The following LRRC37A2 variants were observed in gnomAD, a reference collection of about 807,000 sequenced individuals.
LRRC37A2 encodes the protein leucine rich repeat containing 37 member A2.
A neutral mutation model predicts 68.8 loss-of-function variants in LRRC37A2; 9 were observed. That is an observed-to-expected ratio of 0.13 (90% confidence interval 0.08 to 0.23). LRRC37A2 has a LOEUF of 0.23. LRRC37A2 is among the 10% of genes least tolerant of loss of function. The pLI is 1.00. For missense variants in LRRC37A2, 168 were observed against 950.4 expected (o/e 0.18, Z 10.82); for synonymous variants, 63 against 367.6 (o/e 0.17, Z 9.48).
the LRRC37A2 span, among the ~76,000 whole-genome samples, chr17:46,750,683 G>C: frequency 6.6e-6 from 1 of 152,148 alleles, no homozygotes; most frequent in African/African-American, 2.4e-5. Context: ...TCTGTATCCA[G>C]CATGAGTGAT....
At chr17:46,838,602 G>A in the LRRC37A2 span, among the ~76,000 whole-genome samples, 1 of 152,092 alleles carries the variant, frequency 6.6e-6, no homozygotes, top group African/African-American at 2.4e-5. Flanking sequence ...ACTCCAGCCT[G>A]GGCGACAGAG....
At chr17:46,796,542 T>TGA in the LRRC37A2 span, among the ~76,000 whole-genome samples, 8 of 152,148 alleles carry the variant, frequency 5.3e-5, no homozygotes, top group African/African-American at 1.9e-4. Context: ...AGGAGTTGGA[T>TGA]GAGAGATCCC....
chr17:46,889,235 G>A, the LRRC37A2 span, among the ~76,000 whole-genome samples: 1 of 152,114 alleles, frequency 6.6e-6, no homozygotes, highest in African/African-American at 2.4e-5. Flanking sequence ...ATGCAGGATG[G>A]GGAGGCAATG....
At chr17:46,916,113 C>T in the LRRC37A2 span, among the ~76,000 whole-genome samples, 2 of 152,226 alleles carry the variant, frequency 1.3e-5, no homozygotes, top group Admixed American at 6.5e-5. Flanking sequence ...GTGTTCACCC[C>T]TCTCCAAGGC....
At chr17:47,011,396 A>G in the LRRC37A2 span, among the ~76,000 whole-genome samples, 1 of 151,916 alleles carries the variant, frequency 6.6e-6, no homozygotes, top group Non-Finnish European at 1.5e-5. Context: ...TAAAAATACA[A>G]AAATTAGCCA....
At chr17:46,980,570 C>T in the LRRC37A2 span, among the ~76,000 whole-genome samples, 2 of 151,356 alleles carry the variant, frequency 1.3e-5, no homozygotes, top group Non-Finnish European at 2.9e-5. Flanking sequence ...CGCCTGTAAT[C>T]CCAGCACTTT....
At chr17:46,868,467 G>A in the LRRC37A2 span, among the ~76,000 whole-genome samples, 2 of 152,022 alleles carry the variant, frequency 1.3e-5, no homozygotes, top group Non-Finnish European at 2.9e-5. Flanking sequence ...GTGGTGGCAC[G>A]TGCCCATAAT....
At chr17:46,543,816 T>G (rs915010272) in intron 8 of LRRC37A2, among the ~76,000 whole-genome samples, 1 of 150,896 alleles carries the variant, frequency 6.6e-6, no homozygotes, top group East Asian at 1.9e-4. Context: ...AAATAAAAAC[T>G]TGGGGGCAGA....
At chr17:46,978,852 G>C in the LRRC37A2 span, 1 of 1,592,806 alleles carries the variant, frequency 6.3e-7, no homozygotes, top group Non-Finnish European at 8.5e-7. Flanking sequence ...CCAGCCCCGC[G>C]GGGACCCCGT....
the LRRC37A2 span, among the ~76,000 whole-genome samples, chr17:47,030,121 C>CT: frequency 1.5e-5 from 2 of 130,652 alleles, no homozygotes; most frequent in Non-Finnish European, 3.3e-5. Context: ...TCATCATCAT[C>CT]ATCATCATCA....
chr17:46,757,806 C>T, the LRRC37A2 span, among the ~76,000 whole-genome samples: 1 of 151,826 alleles, frequency 6.6e-6, no homozygotes, highest in Non-Finnish European at 1.5e-5. Flanking sequence ...CCAGCCTGGC[C>T]AACATGGTGA....
chr17:46,405,083 A>G, the LRRC37A2 span, among the ~76,000 whole-genome samples: 2 of 71,996 alleles, frequency 2.8e-5, no homozygotes, highest in East Asian at 5.7e-4. Context: ...TAACCCAGCT[A>G]CTTGGGATGC....
chr17:46,884,799 A>G, the LRRC37A2 span, among the ~76,000 whole-genome samples: 185 of 152,244 alleles, frequency 1.2e-3, no homozygotes, highest in African/African-American at 4.2e-3. Context: ...GACCCAGTGA[A>G]GGCGACAGCT....
At chr17:46,982,952 T>G in the LRRC37A2 span, among the ~76,000 whole-genome samples, 2 of 152,172 alleles carry the variant, frequency 1.3e-5, no homozygotes, top group Non-Finnish European at 2.9e-5. Flanking sequence ...AAGCTACAGT[T>G]GGGCTCATTA....
the LRRC37A2 span, chr17:46,931,203 A>C: frequency 2.3e-5 from 33 of 1,452,220 alleles, no homozygotes; most frequent in Non-Finnish European, 3.2e-5. Flanking sequence ...GCAAAATGCC[A>C]GACTGTAAGT....
At chr17:46,895,712 G>T in the LRRC37A2 span, among the ~76,000 whole-genome samples, 1 of 152,334 alleles carries the variant, frequency 6.6e-6, no homozygotes, top group Non-Finnish European at 1.5e-5. Flanking sequence ...GGCAGGTCCT[G>T]TTACTCCCAT....
At chr17:46,388,359 A>G in the LRRC37A2 span, among the ~76,000 whole-genome samples, 1 of 46,294 alleles carries the variant, frequency 2.2e-5, no homozygotes, top group Non-Finnish European at 5.8e-5. Context: ...GATCAGCCTG[A>G]CCAACATGGA....
At chr17:46,895,439 G>C in the LRRC37A2 span, among the ~76,000 whole-genome samples, 4 of 152,190 alleles carry the variant, frequency 2.6e-5, no homozygotes, top group African/African-American at 7.2e-5. Context: ...GCTCTCACCC[G>C]TGAGGTGGGG....
the LRRC37A2 span, among the ~76,000 whole-genome samples, chr17:47,038,994 A>G: frequency 6.7e-6 from 1 of 148,666 alleles, no homozygotes; most frequent in African/African-American, 2.4e-5. Flanking sequence ...GCGCCCAACC[A>G]GTGCTTTTTA....
Sources: gnomAD v4.1 joint callset for allele counts (sites outside exome capture counted in the v4.1 genomes callset) on GRCh38, gnomAD v4.1.1 for gene constraint, MANE v1.5 for transcripts, NCBI Gene and HGNC (gene_info 2026-07-23, HGNC 2026-07-21) for gene names.